Variants in TMEM218 observed in about 807,000 individuals in gnomAD.
TMEM218 encodes transmembrane protein 218.
Under a neutral mutation model 10.0 loss-of-function variants are expected in TMEM218, and 8 were observed. The ratio of observed to expected loss-of-function variants is 0.80; its 90% confidence interval spans 0.47 to 1.44. The LOEUF (loss-of-function observed/expected upper bound fraction) is 1.44, where lower values mean the gene tolerates loss of function less well. Among genes scored for constraint, TMEM218 ranks in the 40% most tolerant of loss-of-function variants. TMEM218 has a pLI of 0.00. For synonymous variants in TMEM218, 66 were observed against 63.5 expected, an observed-to-expected ratio of 1.04 and a Z score of -0.18; for missense variants, 110 against 140.1, an observed-to-expected ratio of 0.79 and a Z score of 1.08.
At chr11:125,104,508 A>C (rs765013966) in intron 1 of TMEM218, 3 of 152,222 alleles carry the variant, frequency 2.0e-5, no homozygotes, top group Admixed American at 6.5e-5. Flanking sequence ...TATTTCCTTC[A>C]GAGCATTTTT....
rs1182846017 is a variant in TMEM218, at chr11:125,108,808, G to A, written c.-153+2731C>T. Among the ~76,000 whole-genome samples, 1 of 152,184 alleles carries A rather than the reference G, an allele frequency of 6.6e-6. No homozygotes were observed. The highest frequency in any genetic ancestry group is 2.4e-5 in the African/African-American group (1 of 41,440). On this transcript the variant is annotated intron_variant, in intron 1 of 4. Transcript: ENST00000682305. The surrounding 1 kb of genome is among the most constrained non-coding windows in gnomAD (Gnocchi z 5.3). The stretch of plus-strand genomic sequence containing the variant: ...ATAATTATAAATGAGTATCCTGTGG[G>A]ATACTCAAAATTTGCACAGGATGCA...
Position 125,102,759 on chromosome 11 carries a change from G to C in TMEM218, c.-102C>G. 1 of 1,264,604 alleles carries C rather than the reference G, an allele frequency of 7.9e-7. No individual in the cohort carries two copies. Among genetic ancestry groups the C allele is most frequent in the Non-Finnish European group, 1.0e-6 (1 of 969,832 alleles). 78.3% of individuals were successfully genotyped at this position (1,264,604 alleles called of 1,614,324 possible). A position where few individuals can be genotyped will look rare whatever the true frequency, so the allele number is the denominator to read the frequency against. ...CAGGCAATGGATCACAAGACAGAAA[G>C]TTCCCACTCTGTTGTCGAGTTCTTA... On this transcript the variant is annotated 5_prime_UTR_variant, in exon 2 of 5. Transcript: ENST00000682305.
At chr11:125,109,582 T>C (rs7110831) in intron 1 of TMEM218, among the ~76,000 whole-genome samples, 66,693 of 152,074 alleles carry the variant, frequency 0.44, 15,086 homozygotes, top group Middle Eastern at 0.54. Flanking sequence ...TAATTTTTAA[T>C]TTTTAAAAAG....
chr11:125,101,213 T>A lies in TMEM218; in HGVS notation c.201A>T (p.Glu67Asp), dbSNP rs369008819. 7 of 1,613,476 alleles carry A rather than the reference T, an allele frequency of 4.3e-6. No homozygotes were observed. In the African/African-American group the frequency reaches 9.3e-5, roughly 22 times the overall value. The change falls in exon 4 of 5, where the codon GAA becomes GAT. Residue 67 changes from glutamate to aspartate, a missense_variant. Transcript: ENST00000682305. ...GCAACAGCTTTACCTTAACTTCCAC[T>A]TCTGGGGCTGGGAATTCACCAGCTC... ...FPRAGEFPAP[E>D]VEVKIVDDFF...
rs770162942 is a variant in TMEM218 at position 125,097,648 on chromosome 11, A to G, written c.306T>C (p.Tyr102=). The stretch of plus-strand genomic sequence containing the variant: ...GTTTGGCATAGATCGGCTCCAGAAC[A>G]TAATGGATTAAAACCAAGAAGAGGC... ...LGGLFLVLIH[Y]VLEPIYAKPL... Residue 102 remains tyrosine, a synonymous_variant, in exon 5 of 5, where the codon TAT becomes TAC. Coordinates refer to ENST00000682305, the MANE Select transcript of TMEM218 (RefSeq NM_001258244.2). 6.2e-7 allele frequency: 1 copy of G among 1,614,106 alleles called. No individual in the cohort carries two copies.
chr11:125,111,173 T>C (rs1265394155), intron 1 of TMEM218, among the ~76,000 whole-genome samples: 1 of 152,176 alleles, frequency 6.6e-6, no homozygotes, highest in Admixed American at 6.5e-5. Flanking sequence ...AACACCCCAC[T>C]TGAACTCTAA....
chr11:125,097,630 A>G lies in TMEM218; in HGVS notation c.324T>C (p.Tyr108=). 6.2e-7 allele frequency: 1 copy of G among 1,614,196 alleles called. No individual in the cohort carries two copies. Among genetic ancestry groups the G allele is most frequent in the Non-Finnish European group, 8.5e-7 (1 of 1,180,018 alleles). The change falls in exon 5 of 5, where the codon TAT becomes TAC. Residue 108 remains tyrosine (Y), a synonymous_variant. Transcript: ENST00000682305. ...VLIHYVLEPI[Y]AKPLHSY is the part of the protein sequence containing the mutation. ...GTCAGTAGGAGTGCAGTGGTTTGGC[A>G]TAGATCGGCTCCAGAACATAATGGA...
intron 4 of TMEM218, among the ~76,000 whole-genome samples, chr11:125,100,775 G>A (rs1462897544): frequency 1.3e-5 from 2 of 152,094 alleles, no homozygotes; most frequent in African/African-American, 4.8e-5. Flanking sequence ...GCACCCTCAG[G>A]GCACCACATC....
intron 1 of TMEM218, chr11:125,104,695 T>C (rs1951717176): frequency 6.6e-6 from 1 of 152,184 alleles, no homozygotes. Flanking sequence ...AATGACACAG[T>C]GCTAACAAGT....
rs1485651850 is a variant in TMEM218 at position 125,108,834 on chromosome 11, G to A, written c.-153+2705C>T. 6.6e-6 allele frequency among the ~76,000 whole-genome samples: 1 copy of A among 152,192 alleles called. No individual in the cohort carries two copies. Among genetic ancestry groups the A allele is most frequent in the South Asian group, 2.1e-4 (1 of 4,826 alleles). On this transcript the variant is annotated intron_variant, in intron 1 of 4. Transcript: ENST00000682305. The surrounding 1 kb of genome is among the most constrained non-coding windows in gnomAD (Gnocchi z 5.3). ...ATACTCAAAATTTGCACAGGATGCA[G>A]GACAATTCTTCGTTGTGAGGACTGT...
intron 4 of TMEM218, among the ~76,000 whole-genome samples, chr11:125,097,960 G>A (rs1160164862): frequency 6.6e-6 from 1 of 152,158 alleles, no homozygotes; most frequent in Non-Finnish European, 1.5e-5. Flanking sequence ...GGAACAAATG[G>A]CTCAATTTAG....
intron 4 of TMEM218, 92 bp from the exon 5 acceptor site, chr11:125,097,832 GTTCA>G (rs1949896378): frequency 3.2e-6 from 4 of 1,256,754 alleles, no homozygotes; most frequent in Non-Finnish European, 4.5e-6. Flanking sequence ...CCAAGAGTTA[GTTCA>G]TGTGTATAAC....
At position 125,102,224 on chromosome 11, in the gene TMEM218, G is replaced by A. The variant is rs148295283; in HGVS notation, c.18C>T (p.Leu6=). The A allele has an allele frequency of 1.1e-3, 1,812 of 1,612,978 alleles. 2 individuals are homozygous for A. The highest frequency in any genetic ancestry group is 1.7e-3 in the Admixed American group (104 of 59,924). ...AGATGAACACGCCCGCACCGACTCC[G>A]AGCACAGTGCCAGCCATCCCGCGGG... The part of the protein sequence containing the change: MAGTV[L]GVGAGVFILA... Residue 6 remains leucine, a synonymous_variant, in exon 3 of 5, where the codon CTC becomes CTT. Transcript: ENST00000682305.
intron 1 of TMEM218, chr11:125,104,564 TTCTG>T (rs2135848462): frequency 6.6e-6 from 1 of 152,356 alleles, no homozygotes; most frequent in South Asian, 2.1e-4. Context: ...CAAGTTTATT[TTCTG>T]TCTGTCCAAC....
intron 3 of TMEM218, 45 bp from the exon 4 acceptor site, chr11:125,101,348 C>A (rs369336433): frequency 3.2e-6 from 5 of 1,574,682 alleles, no homozygotes; most frequent in Non-Finnish European, 3.5e-6. Flanking sequence ...TCTATAATTT[C>A]TTCTTTGATC....
rs1016927710 is a variant in TMEM218, at chr11:125,095,401, AC to A, written c.*2204del. Among the ~76,000 whole-genome samples the A allele has an allele frequency of 1.1e-4, 16 of 152,196 alleles. No homozygotes were observed. Among genetic ancestry groups the A allele is most frequent in the African/African-American group, 3.4e-4 (14 of 41,444 alleles). On this transcript the variant is annotated 3_prime_UTR_variant, in exon 5 of 5. Coordinates refer to ENST00000682305, the MANE Select transcript of TMEM218 (RefSeq NM_001258244.2). Reference sequence around the variant, plus strand: ...GGCCATGAGCATACAGGGTACCATAACAGACATTGACTATAGGGTTATCCCA... The same window carrying A: ...GGCCATGAGCATACAGGGTACCATAAAGACATTGACTATAGGGTTATCCCA...
At chr11:125,106,225 GTT>G (rs928468774) in intron 1 of TMEM218, among the ~76,000 whole-genome samples, 4 of 151,718 alleles carry the variant, frequency 2.6e-5, no homozygotes, top group African/African-American at 9.7e-5. Context: ...TTTTGTTTTT[GTT>G]TTTGTTTTTT....
At chr11:125,097,901 T>A (rs1365554701) in intron 4 of TMEM218, among the ~76,000 whole-genome samples, 161 bp from the exon 5 acceptor site, 1 of 152,146 alleles carries the variant, frequency 6.6e-6, no homozygotes, top group East Asian at 1.9e-4. Context: ...AAGAATCTTT[T>A]CCTCAACTCC....
rs1055306888 is a variant in TMEM218 at position 125,096,501 on chromosome 11, C to A, written c.*1105G>T. On this transcript the variant is annotated 3_prime_UTR_variant, in exon 5 of 5. Coordinates refer to ENST00000682305, the MANE Select transcript of TMEM218 (RefSeq NM_001258244.2). Reference sequence around the variant, plus strand: ...TCTCTTTAAGCTTCCATTTTTTCTACTTTAAAGTGGGGATGATAAAAATGA... The same window carrying A: ...TCTCTTTAAGCTTCCATTTTTTCTAATTTAAAGTGGGGATGATAAAAATGA... 4.6e-5 allele frequency: 7 copies of A among 152,064 alleles called. No individual in the cohort carries two copies. Among genetic ancestry groups the A allele is most frequent in the African/African-American group, 1.7e-4 (7 of 41,404 alleles). The allele number at this position is 152,064 out of a possible 1,614,324, so 9.4% of individuals were successfully genotyped here.
Sources: allele counts gnomAD v4.1 joint callset (sites outside exome capture counted in the v4.1 genomes callset), GRCh38; gene constraint gnomAD v4.1.1; non-coding constraint Gnocchi (gnomAD v3.1); transcripts MANE v1.5; gene names NCBI Gene and HGNC (gene_info 2026-07-23, HGNC 2026-07-21).